DOCK4: variants seen among roughly 807,000 people sequenced by gnomAD.
The protein encoded by DOCK4 is dedicator of cytokinesis 4, also known as dedicator of cytokinesis protein 4.
DOCK4 carries 97 observed loss-of-function variants against 268.1 expected under a neutral mutation model. The observed-to-expected ratio is 0.36, with a 90% confidence interval of 0.31 to 0.43. The LOEUF (loss-of-function observed/expected upper bound fraction) is 0.43. Ranked by LOEUF, DOCK4 falls within the 20% of genes least tolerant of loss-of-function variation. The pLI is 1.00. For synonymous variants in DOCK4, 954 were observed against 887.2 expected, an observed-to-expected ratio of 1.08 and a Z score of -1.34; for missense variants, 2,145 against 2,455.7, an observed-to-expected ratio of 0.87 and a Z score of 2.67.
At chr7:111,784,240 C>T (rs1798999763) in intron 32 of DOCK4, 117 bp from the exon 33 acceptor site, 1 of 1,203,568 alleles carries the variant, frequency 8.3e-7, no homozygotes, top group Non-Finnish European at 1.2e-6. Flanking sequence ...AGCTCAAAGA[C>T]ATTTTTTCCT....
chr7:111,986,229 T>C (rs567864810), intron 6 of DOCK4, among the ~76,000 whole-genome samples: 2 of 152,178 alleles, frequency 1.3e-5, no homozygotes, highest in Non-Finnish European at 2.9e-5. Flanking sequence ...AATCTGAACT[T>C]GGAAATTCAG....
chr7:111,989,874 T>C (rs937540499), intron 5 of DOCK4, among the ~76,000 whole-genome samples: 11 of 152,220 alleles, frequency 7.2e-5, no homozygotes, highest in African/African-American at 2.4e-4. Context: ...AATTTTGTCA[T>C]CTGTACATGG....
At chr7:112,155,314 T>C (rs1816517308) in intron 1 of DOCK4, among the ~76,000 whole-genome samples, 1 of 152,176 alleles carries the variant, frequency 6.6e-6, no homozygotes, top group African/African-American at 2.4e-5. Context: ...CTGAGGAGAA[T>C]ACTAAGGATT....
At position 111,727,040 on chromosome 7, in the gene DOCK4, T is replaced by C. The variant is rs1047804721; in HGVS notation, c.*1234A>G. ...AAATACAGTTCATATCTATTGTCAA[T>C]TGAGTGTTATAAACAGTCAGTAAAA... On this transcript the variant is annotated 3_prime_UTR_variant, in exon 53 of 53. Coordinates refer to ENST00000428084, the MANE Select transcript of DOCK4 (RefSeq NM_001363540.2). 1 of 152,628 alleles carries C rather than the reference T, an allele frequency of 6.6e-6. No homozygotes were observed. The highest frequency in any genetic ancestry group is 2.4e-5 in the African/African-American group (1 of 41,450). 9.5% of individuals were successfully genotyped at this position (152,628 alleles called of 1,614,324 possible).
intron 16 of DOCK4, among the ~76,000 whole-genome samples, chr7:111,891,813 G>C (rs187299411): frequency 2.0e-5 from 3 of 152,026 alleles, no homozygotes; most frequent in African/African-American, 7.2e-5. Context: ...TAACTTAAAC[G>C]GATTTCTTTA....
intron 30 of DOCK4, among the ~76,000 whole-genome samples, chr7:111,801,486 T>G (rs1800279116): frequency 6.6e-6 from 1 of 152,174 alleles, no homozygotes; most frequent in Non-Finnish European, 1.5e-5. Flanking sequence ...CTTCCATTCA[T>G]CAGAGCCATG....
chr7:112,071,928 C>T (rs1335940242), intron 1 of DOCK4, among the ~76,000 whole-genome samples: 1 of 152,122 alleles, frequency 6.6e-6, no homozygotes, highest in African/African-American at 2.4e-5. Context: ...CTCCAGATTC[C>T]TCCTCTATAT....
At chr7:111,940,039 G>T (rs1339949247) in intron 11 of DOCK4, 71 bp downstream of exon 11, 3 of 1,500,556 alleles carry the variant, frequency 2.0e-6, no homozygotes, top group Non-Finnish European at 2.8e-6. Flanking sequence ...ACCTAAAGTA[G>T]CATTCGCCCA....
At chr7:111,814,443 A>G (rs1484965208) in intron 27 of DOCK4, among the ~76,000 whole-genome samples, 2 of 152,156 alleles carry the variant, frequency 1.3e-5, no homozygotes, top group African/African-American at 4.8e-5. Flanking sequence ...AAAGCTCCCA[A>G]GTGATTCTTA....
At chr7:111,740,772 A>G (rs1462847378) in intron 47 of DOCK4, among the ~76,000 whole-genome samples, 1 of 139,256 alleles carries the variant, frequency 7.2e-6, no homozygotes, top group Non-Finnish European at 1.5e-5. Context: ...GCAAGCTAAG[A>G]GGCAGCTAGT....
intron 27 of DOCK4, chr7:111,820,140 T>G (rs944305003): frequency 5.3e-5 from 8 of 152,262 alleles, no homozygotes; most frequent in African/African-American, 1.9e-4. Context: ...AAACCTCATC[T>G]GCTTTCATGA....
intron 16 of DOCK4, among the ~76,000 whole-genome samples, chr7:111,884,379 A>G (rs1267307153): frequency 6.6e-6 from 1 of 152,220 alleles, no homozygotes; most frequent in Non-Finnish European, 1.5e-5. Context: ...AGAAAGTATC[A>G]CAGTCAGAAT....
chr7:112,083,722 A>T (rs1200995274), intron 1 of DOCK4, among the ~76,000 whole-genome samples: 1 of 152,198 alleles, frequency 6.6e-6, no homozygotes, highest in African/African-American at 2.4e-5. Flanking sequence ...ACAAGATGAA[A>T]AGTCAGAACT....
rs869052136 is a variant in DOCK4, at chr7:111,762,762, CTTTT to C, written c.4020+2352_4020+2355del. Among the ~76,000 whole-genome samples the C allele has an allele frequency of 2.7e-3, 170 of 63,070 alleles. 3 individuals carry two copies. The highest frequency in any genetic ancestry group is 8.9e-3 in the Admixed American group (34 of 3,832). The allele number at this position is 63,070 out of a possible 152,430, so 41.4% of individuals were successfully genotyped here. A position where few individuals can be genotyped will look rare whatever the true frequency, so the allele number is the denominator to read the frequency against. On this transcript the variant is annotated intron_variant, in intron 39 of 52. Coordinates refer to ENST00000428084, the MANE Select transcript of DOCK4 (RefSeq NM_001363540.2). ...TAAATAACCCATTTTGTTTTGTTTTCTTTTTTTTTTTTTTTTTTTTTTTTGGAGA... is the reference window on the plus strand; with the variant it reads ...TAAATAACCCATTTTGTTTTGTTTTCTTTTTTTTTTTTTTTTTTTTGGAGA...
chr7:111,996,743 A>G (rs771643430), intron 4 of DOCK4, among the ~76,000 whole-genome samples: 7 of 152,188 alleles, frequency 4.6e-5, no homozygotes, highest in Non-Finnish European at 1.0e-4. Flanking sequence ...CTTTACCCAC[A>G]TTTAAACTTC....
intron 39 of DOCK4, among the ~76,000 whole-genome samples, chr7:111,762,248 T>C (rs147465165): frequency 9.3e-4 from 141 of 152,326 alleles, no homozygotes; most frequent in Middle Eastern, 3.4e-3. Context: ...AATCCACCTT[T>C]TAAAAATGTG....
rs188657978 is a variant in DOCK4, at chr7:111,970,339, T to C, written c.701+6793A>G. 1.2e-4 allele frequency among the ~76,000 whole-genome samples: 18 copies of C among 151,240 alleles called. No homozygotes were observed. In the East Asian group the frequency reaches 2.9e-3, roughly 24 times the overall value. ...TTATTAAAAAAAAAGAAAAAAAAACTCTCCGTGCCTCAGTTTCCCCATCTA... is the reference window on the plus strand; with the variant it reads ...TTATTAAAAAAAAAGAAAAAAAAACCCTCCGTGCCTCAGTTTCCCCATCTA... On this transcript the variant is annotated intron_variant, in intron 8 of 52. Coordinates refer to ENST00000428084, the MANE Select transcript of DOCK4 (RefSeq NM_001363540.2).
At chr7:111,983,862 G>GCACA (rs1554402961) in intron 7 of DOCK4, among the ~76,000 whole-genome samples, 7,980 of 138,514 alleles carry the variant, frequency 0.058, 273 homozygotes, top group Non-Finnish European at 0.067. Context: ...GCGCGCGCGC[G>GCACA]CACACACACA....
At chr7:111,998,711 G>A (rs990425853) in intron 3 of DOCK4, among the ~76,000 whole-genome samples, 2 of 151,966 alleles carry the variant, frequency 1.3e-5, no homozygotes, top group African/African-American at 4.8e-5. Context: ...AAAATTTAGA[G>A]ACATTCTAAA....
Sources: gnomAD v4.1 joint callset for allele counts (sites outside exome capture counted in the v4.1 genomes callset) on GRCh38, gnomAD v4.1.1 for gene constraint, MANE v1.5 for transcripts, NCBI Gene and HGNC (gene_info 2026-07-23, HGNC 2026-07-21) for gene names.